Variants in RBMS3 observed in about 807,000 individuals in gnomAD.
The protein encoded by RBMS3 is RNA binding motif single stranded interacting protein 3, also known as RNA-binding motif, single-stranded-interacting protein 3.
RBMS3 carries 27 observed loss-of-function variants against 66.8 expected under a neutral mutation model. The observed-to-expected ratio is 0.40, with a 90% CI of 0.30 to 0.56. The LOEUF is 0.56. RBMS3 is among the 20% of genes least tolerant of loss of function. The probability of loss-of-function intolerance (pLI) is 0.40; values close to 1 mark genes in which losing one functional copy is unlikely to be tolerated. For missense variants in RBMS3, 513 were observed against 549.5 expected, an observed-to-expected ratio of 0.93 and a Z score of 0.66; for synonymous variants, 188 against 183.0, an observed-to-expected ratio of 1.03 and a Z score of -0.22.
chr3:29,323,926 C>T (rs1187251328), intron 1 of RBMS3, among the ~76,000 whole-genome samples: 4 of 151,396 alleles, frequency 2.6e-5, no homozygotes, highest in African/African-American at 4.9e-5. Flanking sequence ...AATAACACAC[C>T]GATTCAGATA....
chr3:29,878,067 G>A (rs1440415295), intron 7 of RBMS3, among the ~76,000 whole-genome samples: 2 of 152,060 alleles, frequency 1.3e-5, no homozygotes, highest in Non-Finnish European at 2.9e-5. Context: ...ACCTCAGATC[G>A]TCAGGCATTA....
At chr3:29,425,784 G>A (rs1400364579) in intron 1 of RBMS3, among the ~76,000 whole-genome samples, 1 of 152,138 alleles carries the variant, frequency 6.6e-6, no homozygotes, top group African/African-American at 2.4e-5. Flanking sequence ...ATCTCTGATT[G>A]CATTTGACAT....
At chr3:29,710,583 A>G (rs1313485578) in intron 4 of RBMS3, among the ~76,000 whole-genome samples, 1 of 152,188 alleles carries the variant, frequency 6.6e-6, no homozygotes, top group Non-Finnish European at 1.5e-5. Context: ...TTTATGGGTG[A>G]CAGCTCTGAG....
At chr3:29,526,447 G>A (rs1184262896) in intron 3 of RBMS3, 9 of 144,446 alleles carry the variant, frequency 6.2e-5, no homozygotes, top group African/African-American at 2.3e-4. Flanking sequence ...CGTGAACCCG[G>A]GAGGCAGAGC....
chr3:29,927,348 TTCAC>T (rs1325026003), intron 10 of RBMS3, among the ~76,000 whole-genome samples: 4 of 152,276 alleles, frequency 2.6e-5, no homozygotes, highest in Admixed American at 1.3e-4. Flanking sequence ...GCAAGTGCCA[TTCAC>T]TCACTCAGTC....
chr3:29,412,168 A>G (rs1470153419), intron 1 of RBMS3, among the ~76,000 whole-genome samples: 1 of 152,200 alleles, frequency 6.6e-6, no homozygotes, highest in Non-Finnish European at 1.5e-5. Flanking sequence ...AGTGAGACCA[A>G]AAATAAGGAG....
intron 4 of RBMS3, among the ~76,000 whole-genome samples, chr3:29,588,624 C>A (rs888418580): frequency 1.3e-5 from 2 of 151,982 alleles, no homozygotes; most frequent in Non-Finnish European, 2.9e-5. Flanking sequence ...ACTAGTTGTT[C>A]AAGGCAGAAT....
At chr3:29,395,830 C>G in intron 1 of RBMS3, among the ~76,000 whole-genome samples, 1 of 152,138 alleles carries the variant, frequency 6.6e-6, no homozygotes, top group East Asian at 1.9e-4. Context: ...AGTGTGTTTT[C>G]TGCTCCAACT....
At chr3:29,791,297 G>GT (rs1342278426) in intron 6 of RBMS3, among the ~76,000 whole-genome samples, 1 of 151,816 alleles carries the variant, frequency 6.6e-6, no homozygotes, top group African/African-American at 2.4e-5. Flanking sequence ...TATTTTTTAT[G>GT]TGTTGCTGTT....
intron 12 of RBMS3, among the ~76,000 whole-genome samples, chr3:29,960,912 T>C (rs180971911): frequency 3.0e-4 from 45 of 152,294 alleles, no homozygotes; most frequent in African/African-American, 1.0e-3. Context: ...GGTCCTGTGA[T>C]GAGAGGGGCT....
intron 3 of RBMS3, among the ~76,000 whole-genome samples, chr3:29,493,448 G>A (rs1262280489): frequency 1.3e-5 from 2 of 152,176 alleles, no homozygotes; most frequent in Non-Finnish European, 2.9e-5. Context: ...CTCACTCACA[G>A]TGTGTTGTGA....
chr3:29,287,718 G>C (rs917352167), intron 1 of RBMS3, among the ~76,000 whole-genome samples: 2 of 151,950 alleles, frequency 1.3e-5, no homozygotes, highest in Admixed American at 6.6e-5. Context: ...ATAACCTCTA[G>C]CTTCCTAGAG....
chr3:29,807,878 T>C (rs62237103), intron 6 of RBMS3, among the ~76,000 whole-genome samples: 69,536 of 151,670 alleles, frequency 0.46, 16,820 homozygotes, highest in African/African-American at 0.57. Context: ...ATTGTTTTCT[T>C]CCTCTTTTTT....
At chr3:29,402,064 G>C (rs1186258710) in intron 1 of RBMS3, among the ~76,000 whole-genome samples, 1 of 151,960 alleles carries the variant, frequency 6.6e-6, no homozygotes, top group African/African-American at 2.4e-5. Flanking sequence ...GTGGGTGATT[G>C]CCATTTTCAG....
In RBMS3 at chr3:29,579,029, C is replaced by T. The variant is rs1309452936; in HGVS notation, c.308-8085C>T. Among the ~76,000 whole-genome samples the T allele has an allele frequency of 1.5e-5, 2 of 134,852 alleles. 1 individual carries two copies. Among genetic ancestry groups the T allele is most frequent in the African/African-American group, 5.8e-5 (2 of 34,458 alleles). The allele number at this position is 134,852 out of a possible 152,430, so 88.5% of individuals were successfully genotyped here. Reference sequence around the variant, plus strand: ...TGTTAGCCAGGATGGTCTCGATCTCCTGACCTCATGATCCACCCGCCTCGG... The same window carrying T: ...TGTTAGCCAGGATGGTCTCGATCTCTTGACCTCATGATCCACCCGCCTCGG... On this transcript the variant is annotated intron_variant, in intron 3 of 14. Transcript: ENST00000383767.
intron 6 of RBMS3, among the ~76,000 whole-genome samples, chr3:29,859,507 C>T (rs1010995647): frequency 3.9e-5 from 6 of 152,126 alleles, no homozygotes; most frequent in Non-Finnish European, 7.4e-5. Flanking sequence ...GCAAGCAATT[C>T]GTTAAACTTT....
intron 4 of RBMS3, among the ~76,000 whole-genome samples, chr3:29,613,120 A>AT (rs139413262): frequency 0.012 from 1,802 of 152,134 alleles, 40 homozygotes; most frequent in African/African-American, 0.042. Flanking sequence ...ATACTTAATA[A>AT]TTTTTTTAAT....
intron 4 of RBMS3, among the ~76,000 whole-genome samples, chr3:29,723,449 A>T (rs908563113): frequency 1.3e-5 from 2 of 152,190 alleles, no homozygotes; most frequent in Admixed American, 6.6e-5. Context: ...TCACTTATAT[A>T]AGAAGGAACT....
chr3:29,497,972 CATTTT>C (rs2043818234), intron 3 of RBMS3, among the ~76,000 whole-genome samples: 1 of 42,276 alleles, frequency 2.4e-5, no homozygotes, highest in African/African-American at 9.5e-5. Flanking sequence ...TAAAAGTATT[CATTTT>C]TTTTTTTTTT....
Sources: allele counts gnomAD v4.1 joint callset (sites outside exome capture counted in the v4.1 genomes callset), GRCh38; gene constraint gnomAD v4.1.1; transcripts MANE v1.5; gene names NCBI Gene and HGNC (gene_info 2026-07-23, HGNC 2026-07-21).